Variants in UTS2 observed in about 807,000 individuals in gnomAD.
The protein encoded by UTS2 is urotensin 2, also known as urotensin-2.
In UTS2, 10 loss-of-function variants were observed where a neutral mutation model predicts 12.6. That is an observed-to-expected ratio of 0.80 (90% CI 0.49 to 1.35). The LOEUF is 1.35. UTS2 is among the 40% of genes most tolerant of loss of function. UTS2 has a pLI of 0.00. For missense variants in UTS2, 142 were observed against 143.2 expected (o/e 0.99, Z 0.04); for synonymous variants, 52 against 50.0 (o/e 1.04, Z -0.17).
the UTS2 span, among the ~76,000 whole-genome samples, chr1:7,866,649 C>T: frequency 6.6e-6 from 1 of 152,138 alleles, no homozygotes; most frequent in Admixed American, 6.5e-5. This position sits in a 1 kb window ranked among gnomAD's most constrained non-coding sequence, Gnocchi z 4.5. Flanking sequence ...TCCCTGGGAG[C>T]CTAAAGGAGG....
chr1:7,855,452 C>T (rs1478125294), upstream of UTS2, among the ~76,000 whole-genome samples: 1 of 151,894 alleles, frequency 6.6e-6, no homozygotes, highest in African/African-American at 2.4e-5. Context: ...GGCGTGGTGG[C>T]GGGCCCCTGT....
chr1:7,907,230 T>C, the UTS2 span, among the ~76,000 whole-genome samples: 5,486 of 152,208 alleles, frequency 0.036, 334 homozygotes, highest in African/African-American at 0.12. Context: ...CACTCCAGCC[T>C]GGGTGACGAG....
chr1:7,867,987 G>A, the UTS2 span, among the ~76,000 whole-genome samples: 1 of 152,158 alleles, frequency 6.6e-6, no homozygotes, highest in Non-Finnish European at 1.5e-5. Context: ...ACAGCTGGTC[G>A]CAGTGAAGAT....
At chr1:7,854,103 T>A (rs1165726227), upstream of UTS2, among the ~76,000 whole-genome samples, 3 of 151,914 alleles carry the variant, frequency 2.0e-5, no homozygotes, top group African/African-American at 7.3e-5. Flanking sequence ...CCCAGCACTT[T>A]GGGAGGCTGA....
chr1:7,877,700 C>T, the UTS2 span, among the ~76,000 whole-genome samples: 1 of 152,202 alleles, frequency 6.6e-6, no homozygotes, highest in East Asian at 1.9e-4. Context: ...TGGTGAAACC[C>T]TGTCTCTACT....
chr1:7,897,049 C>T, the UTS2 span, among the ~76,000 whole-genome samples: 1 of 151,912 alleles, frequency 6.6e-6, no homozygotes, highest in Non-Finnish European at 1.5e-5. Context: ...GAGTCATTTT[C>T]ACTTCCAAAT....
chr1:7,912,699 C>T, the UTS2 span, among the ~76,000 whole-genome samples: 1 of 152,032 alleles, frequency 6.6e-6, no homozygotes, highest in Non-Finnish European at 1.5e-5. Flanking sequence ...CCGGTGATCC[C>T]TCTGGCTCTG....
chr1:7,906,135 A>T, the UTS2 span, among the ~76,000 whole-genome samples: 2 of 152,172 alleles, frequency 1.3e-5, no homozygotes, highest in African/African-American at 2.4e-5. Flanking sequence ...ATAGAATTGC[A>T]TGAGGTGCAT....
At chr1:7,862,498 A>G in the UTS2 span, among the ~76,000 whole-genome samples, 1 of 151,988 alleles carries the variant, frequency 6.6e-6, no homozygotes, top group East Asian at 1.9e-4. Context: ...CCTTAATGTT[A>G]AGAAAAGAGT....
the UTS2 span, among the ~76,000 whole-genome samples, chr1:7,878,651 C>T: frequency 1.3e-5 from 2 of 151,806 alleles, 1 homozygote; most frequent in South Asian, 4.2e-4. Context: ...ATCACTGGAG[C>T]CCAGGAGTTT....
chr1:7,851,338 A>G lies in UTS2; in HGVS notation c.104-416T>C, dbSNP rs550593250. Among the ~76,000 whole-genome samples, 6 of 152,290 alleles carry G rather than the reference A, an allele frequency of 3.9e-5. No homozygotes were observed. The East Asian group carries it at 7.7e-4, about 20-fold the overall frequency. The stretch of plus-strand genomic sequence containing the variant: ...AGAGGAAAAAGAAAGATCGTTTACA[A>G]TCTTCCTATAAAGCCAGTAGGATGG... On this transcript the variant is annotated intron_variant, in intron 1 of 3. Transcript: ENST00000361696.
the UTS2 span, among the ~76,000 whole-genome samples, chr1:7,893,357 C>G: frequency 6.6e-6 from 1 of 152,066 alleles, no homozygotes; most frequent in East Asian, 1.9e-4. Context: ...CAAAAATTAG[C>G]CAGTGCGGTG....
chr1:7,850,181 G>T (rs1048232840), intron 2 of UTS2, among the ~76,000 whole-genome samples: 3 of 151,996 alleles, frequency 2.0e-5, no homozygotes, highest in African/African-American at 7.2e-5. Context: ...TGTTGGCCAG[G>T]CTGGTCCTAA....
upstream of UTS2, among the ~76,000 whole-genome samples, chr1:7,858,297 C>T (rs1174935046): frequency 6.6e-6 from 1 of 152,216 alleles, no homozygotes; most frequent in African/African-American, 2.4e-5. Context: ...GGCTTCACAT[C>T]TGTGCCAGGA....
At chr1:7,881,730 C>G in the UTS2 span, among the ~76,000 whole-genome samples, 2 of 152,120 alleles carry the variant, frequency 1.3e-5, no homozygotes, top group African/African-American at 4.8e-5. Context: ...ATATTCAATG[C>G]AATCCCTATC....
At chr1:7,898,187 C>A in the UTS2 span, among the ~76,000 whole-genome samples, 1 of 151,756 alleles carries the variant, frequency 6.6e-6, no homozygotes, top group Non-Finnish European at 1.5e-5. Context: ...GTCTAGAAAC[C>A]CCAATACATG....
the UTS2 span, among the ~76,000 whole-genome samples, chr1:7,866,918 G>A: frequency 1.8e-5 from 2 of 112,902 alleles, no homozygotes; most frequent in Admixed American, 1.1e-4. This position sits in a 1 kb window ranked among gnomAD's most constrained non-coding sequence, Gnocchi z 4.5. Context: ...TGCCCAGGCT[G>A]GAGAACAGTG....
At chr1:7,851,048 C>G (rs1558505249) in intron 1 of UTS2, 126 bp from the exon 2 acceptor site, 2 of 800,846 alleles carry the variant, frequency 2.5e-6, no homozygotes, top group African/African-American at 3.4e-5. Flanking sequence ...ACGCTGAGTT[C>G]ATGACGTGTC....
chr1:7,862,994 TA>T, the UTS2 span, among the ~76,000 whole-genome samples: 1 of 18,826 alleles, frequency 5.3e-5, no homozygotes, highest in East Asian at 1.3e-3. Flanking sequence ...TGTTGTGTTG[TA>T]TTGTATTGTA....
Sources: gnomAD v4.1 joint callset for allele counts (sites outside exome capture counted in the v4.1 genomes callset) on GRCh38, gnomAD v4.1.1 for gene constraint, Gnocchi (gnomAD v3.1) non-coding constraint, MANE v1.5 for transcripts, NCBI Gene and HGNC (gene_info 2026-07-23, HGNC 2026-07-21) for gene names.